HDAC9: variants seen among roughly 807,000 people sequenced by gnomAD.
HDAC9 encodes histone deacetylase 9, also known as MEF-2 interacting transcription repressor (MITR) protein.
In HDAC9, 41 loss-of-function variants were observed where a neutral mutation model predicts 139.4. That is an observed-to-expected ratio of 0.29 (90% CI 0.23 to 0.38). HDAC9 has a LOEUF of 0.38. HDAC9 is among the 10% of genes least tolerant of loss of function. The pLI is 1.00. For missense variants in HDAC9, 1,147 were observed against 1,297.0 expected, an observed-to-expected ratio of 0.88 and a Z score of 1.78; for synonymous variants, 517 against 476.2, an observed-to-expected ratio of 1.09 and a Z score of -1.12.
At chr7:18,372,256 G>A (rs1585434701) in intron 1 of HDAC9, among the ~76,000 whole-genome samples, 1 of 152,172 alleles carries the variant, frequency 6.6e-6, no homozygotes, top group East Asian at 1.9e-4. Context: ...TGAATATGAA[G>A]CTTTCCAGGC....
At chr7:18,700,181 A>G (rs1326985236) in intron 12 of HDAC9, among the ~76,000 whole-genome samples, 2 of 152,190 alleles carry the variant, frequency 1.3e-5, no homozygotes, top group African/African-American at 4.8e-5. Context: ...TCTTAGAGCA[A>G]TTACTAGATT....
intron 1 of HDAC9, among the ~76,000 whole-genome samples, chr7:18,347,654 G>A (rs1855230): frequency 0.085 from 12,883 of 152,082 alleles, 1,090 homozygotes; most frequent in African/African-American, 0.22. Flanking sequence ...TGCCCAAGCT[G>A]GAATGCAATC....
chr7:18,557,019 G>A (rs1370287380), intron 2 of HDAC9, among the ~76,000 whole-genome samples: 1 of 151,932 alleles, frequency 6.6e-6, no homozygotes, highest in East Asian at 1.9e-4. Context: ...ATCTTTTAAT[G>A]AGAAAAATAC....
chr7:18,339,918 T>G (rs1781875135), intron 1 of HDAC9, among the ~76,000 whole-genome samples: 1 of 151,484 alleles, frequency 6.6e-6, no homozygotes, highest in Non-Finnish European at 1.5e-5. Context: ...ATGTTGATAG[T>G]GGTATTTAAG....
At chr7:18,740,163 G>A (rs951805882) in intron 13 of HDAC9, among the ~76,000 whole-genome samples, 90 of 152,310 alleles carry the variant, frequency 5.9e-4, no homozygotes, top group Middle Eastern at 3.4e-3. Flanking sequence ...CGTTTTTCAG[G>A]TACAGTCTGT....
Position 18,405,143 on chromosome 7 carries a change from AT to A in HDAC9, c.-41-91112del, listed in dbSNP as rs373157044. ...GATAGTGGCCCCCGGCAGGGAATTG[AT>A]TTTTTTCTTCATCAAAGTTATAACA... On this transcript the variant is annotated intron_variant, in intron 1 of 3. Transcript: ENST00000413509. 2.4e-3 allele frequency among the ~76,000 whole-genome samples: 365 copies of A among 152,222 alleles called. 1 individual carries two copies. The highest frequency in any genetic ancestry group is 8.0e-3 in the African/African-American group (332 of 41,550).
chr7:18,860,187 A>G (rs1466685800), intron 21 of HDAC9, among the ~76,000 whole-genome samples: 3 of 152,036 alleles, frequency 2.0e-5, no homozygotes, highest in Non-Finnish European at 2.9e-5. Context: ...TTAAGTTTCC[A>G]AAGTGCACGT....
chr7:18,913,499 C>A (rs776584287), intron 22 of HDAC9, among the ~76,000 whole-genome samples: 1 of 152,068 alleles, frequency 6.6e-6, no homozygotes, highest in Non-Finnish European at 1.5e-5. Flanking sequence ...ATTTGTTCCA[C>A]CCACCTTTAA....
intron 11 of HDAC9, among the ~76,000 whole-genome samples, chr7:18,653,682 C>T (rs1339813073): frequency 6.6e-6 from 1 of 151,984 alleles, no homozygotes; most frequent in Non-Finnish European, 1.5e-5. Flanking sequence ...CTGTGTTGCC[C>T]TTATTAAAAC....
chr7:18,310,809 TACACACAC>T (rs71847714), intron 1 of HDAC9, among the ~76,000 whole-genome samples: 17,734 of 143,100 alleles, frequency 0.12, 1,140 homozygotes, highest in East Asian at 0.21. Context: ...ACAAATCCAT[TACACACAC>T]ACACACACAC....
rs117017844 is a variant in HDAC9 at position 18,460,860 on chromosome 7, A to G, written c.-41-35402A>G. ...TAGAAAGTATTTGAAGGGAAAGACT[A>G]TGTTTTCCTGTAAGGTAGATTGAGC... On this transcript the variant is annotated intron_variant, in intron 1 of 3. Coordinates refer to the HDAC9 transcript ENST00000413509. Among the ~76,000 whole-genome samples the G allele has an allele frequency of 3.4e-3, 515 of 152,020 alleles. 1 individual carries two copies. The highest frequency in any genetic ancestry group is 6.3e-3 in the Non-Finnish European group (426 of 67,966).
At chr7:18,631,734 C>A (rs987415487) in intron 7 of HDAC9, among the ~76,000 whole-genome samples, 5 of 151,832 alleles carry the variant, frequency 3.3e-5, no homozygotes, top group South Asian at 2.1e-4. Flanking sequence ...AAAATTGACT[C>A]CCCCTGTGCC....
chr7:18,479,944 C>T (rs1217175397), intron 1 of HDAC9, among the ~76,000 whole-genome samples: 1 of 146,904 alleles, frequency 6.8e-6, no homozygotes, highest in African/African-American at 2.5e-5. Context: ...CTAATTTTAG[C>T]TTTTCTTCTT....
At chr7:18,527,473 C>G (rs1188807721) in intron 2 of HDAC9, among the ~76,000 whole-genome samples, 1 of 152,092 alleles carries the variant, frequency 6.6e-6, no homozygotes, top group Non-Finnish European at 1.5e-5. Flanking sequence ...TTGAAAGTCA[C>G]TGAACGATAT....
chr7:18,353,454 AG>A (rs1436053435), intron 1 of HDAC9, among the ~76,000 whole-genome samples: 2 of 152,172 alleles, frequency 1.3e-5, no homozygotes, highest in African/African-American at 4.8e-5. Flanking sequence ...TATACCACAA[AG>A]AATTAAAGAA....
intron 1 of HDAC9, among the ~76,000 whole-genome samples, chr7:18,153,101 AGT>A (rs1786903976): frequency 1.3e-5 from 2 of 152,162 alleles, no homozygotes; most frequent in Admixed American, 1.3e-4. Context: ...TCAACTCATT[AGT>A]GAAGGTAAGT....
At chr7:18,423,453 C>A (rs11769654) in intron 1 of HDAC9, among the ~76,000 whole-genome samples, 1 of 152,180 alleles carries the variant, frequency 6.6e-6, no homozygotes, top group Admixed American at 6.5e-5. Flanking sequence ...ATGCTTAAAG[C>A]AGTGGCTTAA....
chr7:18,884,002 A>G (rs964175454), intron 22 of HDAC9, among the ~76,000 whole-genome samples: 4 of 152,204 alleles, frequency 2.6e-5, no homozygotes, highest in Non-Finnish European at 4.4e-5. Context: ...GAGGTGAAAG[A>G]TCTCCAAACT....
At chr7:18,698,502 A>G (rs986171844) in intron 12 of HDAC9, among the ~76,000 whole-genome samples, 1 of 152,124 alleles carries the variant, frequency 6.6e-6, no homozygotes, top group Admixed American at 6.6e-5. Context: ...AGCTTGCCAC[A>G]CTTTGCTGAT....
Sources: allele counts gnomAD v4.1 joint callset (sites outside exome capture counted in the v4.1 genomes callset), GRCh38; gene constraint gnomAD v4.1.1; transcripts MANE v1.5; gene names NCBI Gene and HGNC (gene_info 2026-07-23, HGNC 2026-07-21).